The following PAFAH1B2 variants were observed in gnomAD, a reference collection of about 807,000 sequenced individuals.
The protein encoded by PAFAH1B2 is platelet-activating factor acetylhydrolase IB subunit alpha2.
A neutral mutation model predicts 28.0 loss-of-function variants in PAFAH1B2; 8 were observed. The ratio of observed to expected loss-of-function variants is 0.29; its 90% CI spans 0.17 to 0.52. PAFAH1B2 has a LOEUF of 0.52. Ranked by LOEUF, PAFAH1B2 falls within the 20% of genes least tolerant of loss-of-function variation. The pLI is 0.97. For missense variants in PAFAH1B2, 190 were observed against 282.6 expected (o/e 0.67, Z 2.35); for synonymous variants, 104 against 103.2 (o/e 1.01, Z -0.05).
At chr11:117,175,204 G>A (rs1324106194), downstream of PAFAH1B2, 9 of 1,107,688 alleles carry the variant, frequency 8.1e-6, no homozygotes, top group African/African-American at 1.6e-5. Context: ...CAGGGAATGC[G>A]GTAGCTGGAC....
chr11:117,147,399 T>C (rs1248211056), intron 1 of PAFAH1B2, among the ~76,000 whole-genome samples: 1 of 152,212 alleles, frequency 6.6e-6, no homozygotes, highest in African/African-American at 2.4e-5. Flanking sequence ...AGTTTCACCA[T>C]GTTACCCAGG....
At chr11:117,150,049 A>C (rs965738135) in intron 1 of PAFAH1B2, among the ~76,000 whole-genome samples, 7 of 152,202 alleles carry the variant, frequency 4.6e-5, no homozygotes, top group South Asian at 4.1e-4. Context: ...TTTATTAACT[A>C]ACATGTAAGT....
At position 117,168,769 on chromosome 11, in the gene PAFAH1B2, A is replaced by AT. The variant is rs1203670802; in HGVS notation, c.*1078dup. ...TATAATATCTTAAGGTGTATATTTT[A>AT]TTTTTTTTATTGGCTTAGTTGTTTT... On this transcript the variant is annotated 3_prime_UTR_variant, in exon 6 of 6. Transcript: ENST00000527958. 8.9e-5 allele frequency: 90 copies of AT among 1,006,364 alleles called. No individual in the cohort carries two copies. The highest frequency in any genetic ancestry group is 1.4e-4 in the South Asian group (3 of 20,884). 62.3% of individuals were successfully genotyped at this position (1,006,364 alleles called of 1,614,324 possible).
In PAFAH1B2 at chr11:117,169,255, G is replaced by T; in HGVS notation, c.*1556G>T. 9.6e-7 allele frequency: 1 copy of T among 1,037,612 alleles called. No homozygotes were observed. The highest frequency in any genetic ancestry group is 1.2e-6 in the Non-Finnish European group (1 of 861,838). 64.3% of individuals were successfully genotyped at this position (1,037,612 alleles called of 1,614,324 possible). A position where few individuals can be genotyped will look rare whatever the true frequency, so the allele number is the denominator to read the frequency against. The stretch of plus-strand genomic sequence containing the variant: ...TGTCTTATTAATGTACTTCATCTGA[G>T]AATTTGTTGATCTTAATGTTCGAGC... On this transcript the variant is annotated 3_prime_UTR_variant, in exon 6 of 6. Coordinates refer to ENST00000527958, the MANE Select transcript of PAFAH1B2 (RefSeq NM_002572.4).
At position 117,170,192 on chromosome 11, in the gene PAFAH1B2, CTT is replaced by C. The variant is rs1338618154; in HGVS notation, c.*2495_*2496del. On this transcript the variant is annotated 3_prime_UTR_variant, in exon 6 of 6. Transcript: ENST00000527958. ...TCAGTGACAGAACTTACTGCTTAGT[CTT>C]TGTACTTTTTAAAAAATCTATAAAT... 9.5e-7 allele frequency: 1 copy of C among 1,056,746 alleles called. No individual in the cohort carries two copies. Among genetic ancestry groups the C allele is most frequent in the Non-Finnish European group, 1.1e-6 (1 of 874,138 alleles). The allele number at this position is 1,056,746 out of a possible 1,614,324, so 65.5% of individuals were successfully genotyped here.
chr11:117,174,495 T>C (rs200265000), downstream of PAFAH1B2, among the ~76,000 whole-genome samples: 5 of 44,572 alleles, frequency 1.1e-4, no homozygotes, highest in Non-Finnish European at 3.2e-4. Context: ...TTTTTTTTTC[T>C]TTTTTTTTAG....
At chr11:117,154,149 G>A (rs1956214563) in intron 2 of PAFAH1B2, among the ~76,000 whole-genome samples, 1 of 151,718 alleles carries the variant, frequency 6.6e-6, no homozygotes, top group Non-Finnish European at 1.5e-5. Context: ...CAGTTGATTT[G>A]CCCATTTTTT....
downstream of PAFAH1B2, chr11:117,176,036 C>T: frequency 1.1e-6 from 1 of 936,606 alleles, no homozygotes; most frequent in Non-Finnish European, 1.7e-6. Context: ...ACCTCTTTTG[C>T]CATCCTGAGG....
intron 1 of PAFAH1B2, among the ~76,000 whole-genome samples, chr11:117,148,657 G>A (rs1047515371): frequency 6.6e-6 from 1 of 152,132 alleles, no homozygotes; most frequent in Non-Finnish European, 1.5e-5. Flanking sequence ...GAGTGGTAGT[G>A]TGTGCCTGTA....
intron 2 of PAFAH1B2, among the ~76,000 whole-genome samples, chr11:117,158,268 C>T (rs1956296708): frequency 6.6e-6 from 1 of 152,096 alleles, no homozygotes; most frequent in Non-Finnish European, 1.5e-5. Flanking sequence ...TCTCGAATGC[C>T]TGGGCTCAAG....
chr11:117,170,316 A>G lies in PAFAH1B2; in HGVS notation c.*2617A>G. ...AGAGATACTATTCTCTTCCTCTCCC[A>G]GCAAATTTGTATTCCTTCGCCCACG... On this transcript the variant is annotated 3_prime_UTR_variant, in exon 6 of 6. Transcript: ENST00000527958. 1 of 1,061,402 alleles carries G rather than the reference A, an allele frequency of 9.4e-7. No individual in the cohort carries two copies. The highest frequency in any genetic ancestry group is 1.1e-6 in the Non-Finnish European group (1 of 877,574). 65.7% of individuals were successfully genotyped at this position (1,061,402 alleles called of 1,614,324 possible). A position where few individuals can be genotyped will look rare whatever the true frequency, so the allele number is the denominator to read the frequency against.
At chr11:117,175,976 T>C, downstream of PAFAH1B2, 1 of 1,501,176 alleles carries the variant, frequency 6.7e-7, no homozygotes, top group Non-Finnish European at 9.0e-7. Flanking sequence ...AATCCTACAC[T>C]GATTCTCCAA....
At chr11:117,146,028 G>A (rs989526358) in intron 1 of PAFAH1B2, among the ~76,000 whole-genome samples, 1 of 151,976 alleles carries the variant, frequency 6.6e-6, no homozygotes, top group Non-Finnish European at 1.5e-5. Context: ...GGACAACAAA[G>A]CTTCCCCTGG....
At chr11:117,153,141 T>G (rs1381713556) in intron 2 of PAFAH1B2, among the ~76,000 whole-genome samples, 1 of 152,196 alleles carries the variant, frequency 6.6e-6, no homozygotes, top group Non-Finnish European at 1.5e-5. Flanking sequence ...ATTTTAATAG[T>G]CAACAAGAAT....
intron 4 of PAFAH1B2, among the ~76,000 whole-genome samples, chr11:117,161,656 C>T (rs1411600308): frequency 6.6e-6 from 1 of 151,782 alleles, no homozygotes; most frequent in African/African-American, 2.4e-5. Flanking sequence ...TTACAGGCGC[C>T]GCCACTGTGC....
At chr11:117,165,024 C>T (rs1162605231) in intron 5 of PAFAH1B2, among the ~76,000 whole-genome samples, 5 of 141,130 alleles carry the variant, frequency 3.5e-5, no homozygotes, top group African/African-American at 1.3e-4. Context: ...GGCATGATCT[C>T]GGCTCACTGC....
rs1312146745 is a variant in PAFAH1B2 at position 117,170,449 on chromosome 11, A to T, written c.*2750A>T. ...TGTACTGCCACGGGTGATCTAGGGC[A>T]GGCTGTCTTCCAGTCCATGTGTTCT... On this transcript the variant is annotated 3_prime_UTR_variant, in exon 6 of 6. Transcript: ENST00000527958. 9.4e-7 allele frequency: 1 copy of T among 1,059,688 alleles called. No homozygotes were observed. Among genetic ancestry groups the T allele is most frequent in the Non-Finnish European group, 1.1e-6 (1 of 876,416 alleles). The allele number at this position is 1,059,688 out of a possible 1,614,324, so 65.6% of individuals were successfully genotyped here.
At position 117,169,802 on chromosome 11, in the gene PAFAH1B2, G is replaced by T; in HGVS notation, c.*2103G>T. 4.7e-6 allele frequency: 5 copies of T among 1,055,756 alleles called. No individual in the cohort carries two copies. Among genetic ancestry groups the T allele is most frequent in the Non-Finnish European group, 5.7e-6 (5 of 873,406 alleles). The allele number at this position is 1,055,756 out of a possible 1,614,324, so 65.4% of individuals were successfully genotyped here. On this transcript the variant is annotated 3_prime_UTR_variant, in exon 6 of 6. Transcript: ENST00000527958. ...AGAATTAAGCCAGATTTTTGTGTGT[G>T]GAAAGACAGTTTTCTATCCACGTCT...
downstream of PAFAH1B2, among the ~76,000 whole-genome samples, chr11:117,172,382 ATATATATATATATATATATATATTTTT>A (rs1232369317): frequency 1.8e-3 from 5 of 2,776 alleles, no homozygotes; most frequent in East Asian, 0.02. Flanking sequence ...ATATATATAT[ATATATATATATATATATATATATTTTT>A]TTTTTTTTTT....
Sources: allele counts gnomAD v4.1 joint callset (sites outside exome capture counted in the v4.1 genomes callset), GRCh38; gene constraint gnomAD v4.1.1; transcripts MANE v1.5; gene names NCBI Gene and HGNC (gene_info 2026-07-23, HGNC 2026-07-21).